TRPC4: variants seen among roughly 807,000 people sequenced by gnomAD.
TRPC4 encodes the protein transient receptor potential cation channel subfamily C member 4.
In TRPC4, 49 loss-of-function variants were observed where a neutral mutation model predicts 99.4. The ratio of observed to expected loss-of-function variants is 0.49; its 90% confidence interval spans 0.39 to 0.63. The LOEUF (loss-of-function observed/expected upper bound fraction) is 0.63, where lower values mean the gene tolerates loss of function less well. Among genes scored for constraint, TRPC4 ranks in the 20% least tolerant of loss-of-function variants. The pLI is 0.00. For missense variants in TRPC4, 898 were observed against 1,152.9 expected, an observed-to-expected ratio of 0.78 and a Z score of 3.20; for synonymous variants, 454 against 425.9, an observed-to-expected ratio of 1.07 and a Z score of -0.81.
At chr13:37,666,946 C>T (rs891838553) in intron 5 of TRPC4, among the ~76,000 whole-genome samples, 1 of 152,116 alleles carries the variant, frequency 6.6e-6, no homozygotes, top group Non-Finnish European at 1.5e-5. Context: ...CACCTAACAG[C>T]CCTATTCTGC....
chr13:37,685,108 A>T (rs190069881), intron 4 of TRPC4, among the ~76,000 whole-genome samples: 2 of 152,276 alleles, frequency 1.3e-5, no homozygotes, highest in East Asian at 3.9e-4. Flanking sequence ...TCAATAGTAA[A>T]TCATATCAAA....
chr13:37,671,597 A>G (rs1423689557), intron 5 of TRPC4, among the ~76,000 whole-genome samples: 1 of 152,058 alleles, frequency 6.6e-6, no homozygotes, highest in Non-Finnish European at 1.5e-5. Flanking sequence ...AGAAAAAACT[A>G]ATTTAGTGTG....
At chr13:37,769,864 C>T (rs955987190) in intron 2 of TRPC4, among the ~76,000 whole-genome samples, 12 of 151,434 alleles carry the variant, frequency 7.9e-5, no homozygotes, top group South Asian at 2.1e-4. Flanking sequence ...ATAATCATGA[C>T]GATAATAACA....
chr13:37,846,769 G>T (rs1187176763), intron 1 of TRPC4, among the ~76,000 whole-genome samples: 1 of 151,970 alleles, frequency 6.6e-6, no homozygotes, highest in Non-Finnish European at 1.5e-5. Flanking sequence ...ACATAGATTG[G>T]CTGAATGGAT....
chr13:37,675,579 A>T (rs540835330), intron 4 of TRPC4, among the ~76,000 whole-genome samples: 9 of 152,334 alleles, frequency 5.9e-5, no homozygotes, highest in Admixed American at 3.9e-4. Flanking sequence ...GGAGAGGCAC[A>T]GTGTCCTCTC....
rs980497808 is a variant in TRPC4, at chr13:37,635,484, T to C, written c.*1419A>G. Among the ~76,000 whole-genome samples the C allele has an allele frequency of 3.3e-5, 5 of 152,142 alleles. No individual in the cohort carries two copies. The highest frequency in any genetic ancestry group is 1.2e-4 in the African/African-American group (5 of 41,438). On this transcript the variant is annotated 3_prime_UTR_variant, in exon 11 of 11. Coordinates refer to ENST00000379705, the MANE Select transcript of TRPC4 (RefSeq NM_016179.4). ...TGCTGTTATTCCTTATTTTTGATGTTTGGTAATGAGAAACTGAGTGCCATA... is the reference window on the plus strand; with the variant it reads ...TGCTGTTATTCCTTATTTTTGATGTCTGGTAATGAGAAACTGAGTGCCATA...
Position 37,808,729 on chromosome 13 carries a change from G to T in TRPC4, c.-27-25369C>A, listed in dbSNP as rs544084688. 7.2e-5 allele frequency among the ~76,000 whole-genome samples: 11 copies of T among 152,126 alleles called. No homozygotes were observed. In the East Asian group the frequency reaches 1.7e-3, roughly 24 times the overall value. ...TAAGCATGGTATGAGATCAGCCAAG[G>T]TTACTCTATTCTGGGATCATGATCA... On this transcript the variant is annotated intron_variant, in intron 1 of 10. Transcript: ENST00000379705.
At chr13:37,762,433 C>T (rs1481136014) in intron 2 of TRPC4, among the ~76,000 whole-genome samples, 2 of 151,420 alleles carry the variant, frequency 1.3e-5, no homozygotes, top group African/African-American at 4.8e-5. Context: ...TTTATTGCGG[C>T]ACTATTCACA....
At chr13:37,721,745 C>A (rs1170880402) in intron 3 of TRPC4, among the ~76,000 whole-genome samples, 2 of 152,126 alleles carry the variant, frequency 1.3e-5, no homozygotes, top group Non-Finnish European at 2.9e-5. Flanking sequence ...ATATTTCAAT[C>A]TCCTACTGTA....
Position 37,636,806 on chromosome 13 carries a change from T to A in TRPC4, c.*97A>T. 6.8e-7 allele frequency: 1 copy of A among 1,473,514 alleles called. No homozygotes were observed. 91.3% of individuals were successfully genotyped at this position (1,473,514 alleles called of 1,614,324 possible). On this transcript the variant is annotated 3_prime_UTR_variant, in exon 11 of 11. Transcript: ENST00000379705. ...CACAGCTGATAAACGCTATAAAGTGTAAGTTAGCATTTGCTAATACAATTT... is the reference window on the plus strand; with the variant it reads ...CACAGCTGATAAACGCTATAAAGTGAAAGTTAGCATTTGCTAATACAATTT...
intron 1 of TRPC4, among the ~76,000 whole-genome samples, chr13:37,828,292 C>T (rs1476781599): frequency 6.6e-6 from 1 of 152,120 alleles, no homozygotes; most frequent in African/African-American, 2.4e-5. Context: ...CATCTTGGCT[C>T]CTCCCCCTCC....
At chr13:37,744,942 A>C (rs755365536) in intron 3 of TRPC4, among the ~76,000 whole-genome samples, 4 of 152,138 alleles carry the variant, frequency 2.6e-5, no homozygotes, top group Non-Finnish European at 5.9e-5. Context: ...AAATTTTACA[A>C]GAAATTTATT....
At chr13:37,713,524 T>C (rs997380016) in intron 3 of TRPC4, among the ~76,000 whole-genome samples, 12 of 152,172 alleles carry the variant, frequency 7.9e-5, no homozygotes, top group Non-Finnish European at 1.6e-4. Flanking sequence ...ATAACCAACA[T>C]AGTCCCTTCA....
intron 3 of TRPC4, among the ~76,000 whole-genome samples, chr13:37,696,520 A>T (rs767786649): frequency 5.5e-4 from 84 of 152,336 alleles, no homozygotes; most frequent in Non-Finnish European, 9.6e-4. Flanking sequence ...GACTGTAGTC[A>T]TTCTCTATAG....
intron 3 of TRPC4, among the ~76,000 whole-genome samples, chr13:37,728,656 A>G (rs978516221): frequency 6.6e-6 from 1 of 152,068 alleles, no homozygotes; most frequent in Non-Finnish European, 1.5e-5. Flanking sequence ...GCCCAGTGAT[A>G]TTTTTTGTAG....
At chr13:37,800,852 T>A (rs1240691972) in intron 1 of TRPC4, among the ~76,000 whole-genome samples, 1 of 151,898 alleles carries the variant, frequency 6.6e-6, no homozygotes, top group African/African-American at 2.4e-5. Context: ...TTATAGTAAA[T>A]ATTTCAAGTA....
At chr13:37,693,878 T>C (rs1566101930) in intron 3 of TRPC4, among the ~76,000 whole-genome samples, 1 of 152,082 alleles carries the variant, frequency 6.6e-6, no homozygotes, top group Non-Finnish European at 1.5e-5. Flanking sequence ...AATAGTATGG[T>C]TTTAAGGCTG....
Position 37,759,703 on chromosome 13 carries a change from A to G in TRPC4, c.379-13248T>C, listed in dbSNP as rs368431623. Among the ~76,000 whole-genome samples the G allele has an allele frequency of 2.6e-3, 393 of 152,082 alleles. 10 individuals carry two copies. The South Asian group carries it at 0.063, about 24-fold the overall frequency. On this transcript the variant is annotated intron_variant, in intron 2 of 10. Coordinates refer to ENST00000379705, the MANE Select transcript of TRPC4 (RefSeq NM_016179.4). ...ACAAATATTTGTCCATCATATGGTC[A>G]AGTTTGAAAAGCTATGGAGACAGGC...
rs186458135 is a variant in TRPC4, at chr13:37,756,189, C to T, written c.379-9734G>A. ...ATGTACATGTGTGCACACACACATACATACACACACATGAACACAAACTAC... is the reference window on the plus strand; with the variant it reads ...ATGTACATGTGTGCACACACACATATATACACACACATGAACACAAACTAC... On this transcript the variant is annotated intron_variant, in intron 2 of 10. Transcript: ENST00000379705. Among the ~76,000 whole-genome samples the T allele has an allele frequency of 1.5e-3, 226 of 152,224 alleles. 2 individuals are homozygous for T. Among genetic ancestry groups the T allele is most frequent in the African/African-American group, 4.6e-3 (193 of 41,568 alleles).
Sources: gnomAD v4.1 joint callset for allele counts (sites outside exome capture counted in the v4.1 genomes callset) on GRCh38, gnomAD v4.1.1 for gene constraint, MANE v1.5 for transcripts, NCBI Gene and HGNC (gene_info 2026-07-23, HGNC 2026-07-21) for gene names.